The following HIP1R variants were observed in gnomAD, a reference collection of about 807,000 sequenced individuals.
HIP1R encodes the protein huntingtin interacting protein 1 related, also known as huntingtin-interacting protein 1-related protein.
A neutral mutation model predicts 144.2 loss-of-function variants in HIP1R; 135 were observed. The ratio of observed to expected loss-of-function variants is 0.94; its 90% CI spans 0.81 to 1.08. The LOEUF is 1.08. Among genes scored for constraint, HIP1R ranks in the 50% least tolerant of loss-of-function variants. The pLI, the probability that HIP1R is intolerant of heterozygous loss-of-function variation, is 0.00. For synonymous variants in HIP1R, 698 were observed against 612.8 expected (o/e 1.14, Z -2.05); for missense variants, 1,462 against 1,432.8 (o/e 1.02, Z -0.33).
intron 20 of HIP1R, 41 bp from the exon 21 acceptor site, chr12:122,858,797 G>A (rs1396828456): frequency 7.2e-7 from 1 of 1,385,202 alleles, no homozygotes. Context: ...TAGTGTCTCA[G>A]TGTCATCCTC....
chr12:122,835,940 C>G (rs2032880008), intron 1 of HIP1R, among the ~76,000 whole-genome samples: 1 of 150,296 alleles, frequency 6.7e-6, no homozygotes, highest in Non-Finnish European at 1.5e-5. Context: ...TCAGGGTGTG[C>G]GCGGGCCGGG....
At chr12:122,845,722 C>T (rs892222636) in intron 1 of HIP1R, among the ~76,000 whole-genome samples, 3 of 152,084 alleles carry the variant, frequency 2.0e-5, no homozygotes, top group African/African-American at 7.2e-5. Context: ...CCCTCAGAGA[C>T]CATCCATCCA....
rs1235021281 is a variant in HIP1R at position 122,840,668 on chromosome 12, G to A, written c.93+5025G>A. On this transcript the variant is annotated intron_variant, in intron 1 of 31. Transcript: ENST00000253083. This position sits in a 1 kb window ranked among gnomAD's most constrained non-coding sequence, Gnocchi z 4.2. ...AGCTCTGCCCGGTGCCCTTAGATTA[G>A]CTGTAAGCGGAGGCCTTGTGTGCTG... Among the ~76,000 whole-genome samples, 1 of 152,222 alleles carries A rather than the reference G, an allele frequency of 6.6e-6. No individual in the cohort carries two copies. The highest frequency in any genetic ancestry group is 1.5e-5 in the Non-Finnish European group (1 of 68,036).
chr12:122,857,391 T>C (rs2033621913), intron 18 of HIP1R, 176 bp downstream of exon 18: 2 of 662,790 alleles, frequency 3.0e-6, no homozygotes, highest in South Asian at 1.8e-5. Flanking sequence ...CACCACATCA[T>C]AGCCTGTGTC....
chr12:122,856,997 C>G, intron 17 of HIP1R, 24 bp from the exon 18 acceptor site: 2 of 1,546,468 alleles, frequency 1.3e-6, no homozygotes, highest in Non-Finnish European at 1.7e-6. Flanking sequence ...TGTTCACATG[C>G]CTGGTGTCCA....
At chr12:122,854,822 T>C in intron 8 of HIP1R, 83 bp from the exon 9 acceptor site, 4 of 1,413,976 alleles carry the variant, frequency 2.8e-6, no homozygotes, top group Non-Finnish European at 3.9e-6. Context: ...TGTGAGTTTG[T>C]AGCATACGGA....
At chr12:122,851,199 AC>A in intron 6 of HIP1R, 36 bp from the exon 7 acceptor site, 1 of 1,474,924 alleles carries the variant, frequency 6.8e-7, no homozygotes. Flanking sequence ...GGGTCCACCC[AC>A]CCTTTTTCAT....
At chr12:122,835,291 TG>T (rs1480199386), upstream of HIP1R, 1 of 140,556 alleles carries the variant, frequency 7.1e-6, no homozygotes. Context: ...TCGCGGGGGG[TG>T]GGGTTGGAGG....
chr12:122,856,649 G>A lies in HIP1R; in HGVS notation c.1543G>A (p.Glu515Lys), dbSNP rs1224818043. The change falls in exon 17 of 32, where the codon GAG becomes AAG. Residue 515 changes from glutamate (E) to lysine (K), a missense_variant. Glu to Lys is a moderately conservative substitution (Grantham distance 56, BLOSUM62 1). Coordinates refer to ENST00000253083, the MANE Select transcript of HIP1R (RefSeq NM_003959.3). ...LKLEEKSDQL[E>K]KLKRELEAKA... ...GCTAGAGGAGAAGAGCGACCAGCTG[G>A]AGAAGCTCAAGAGGGAGCTGGAGGC... is the stretch of plus-strand genomic sequence containing the variant. 2 of 1,604,980 alleles carry A rather than the reference G, an allele frequency of 1.2e-6. No individual in the cohort carries two copies. Among genetic ancestry groups the A allele is most frequent in the Non-Finnish European group, 1.7e-6 (2 of 1,175,960 alleles).
chr12:122,859,738 C>T (rs376638977), intron 23 of HIP1R, 34 bp from the exon 24 acceptor site: 33 of 1,607,294 alleles, frequency 2.1e-5, no homozygotes, highest in Non-Finnish European at 2.5e-5. Flanking sequence ...GTCCCCTCCT[C>T]CCAGCCAGCT....
intron 1 of HIP1R, among the ~76,000 whole-genome samples, chr12:122,841,512 C>A (rs1033430672): frequency 2.0e-5 from 3 of 152,228 alleles, no homozygotes; most frequent in African/African-American, 7.2e-5. Flanking sequence ...ATGCTGTCTT[C>A]TTGGTGAGGT....
chr12:122,860,824 C>T lies in HIP1R; in HGVS notation c.2766+40C>T, dbSNP rs774638193. 1.1e-5 allele frequency: 17 copies of T among 1,601,810 alleles called. 1 individual carries two copies. In the African/African-American group the frequency reaches 1.1e-4, roughly 10 times the overall value. ...CGACAGCAGCACACTGGGCTCTGGGCCCAGCTTGGCCTGGGCTGTGGCTGC... is the reference window on the plus strand; with the variant it reads ...CGACAGCAGCACACTGGGCTCTGGGTCCAGCTTGGCCTGGGCTGTGGCTGC... On this transcript the variant is annotated intron_variant, in intron 28 of 31. Coordinates refer to ENST00000253083, the MANE Select transcript of HIP1R (RefSeq NM_003959.3).
chr12:122,846,647 C>T (rs1252259119), intron 1 of HIP1R, among the ~76,000 whole-genome samples: 1 of 152,190 alleles, frequency 6.6e-6, no homozygotes, highest in East Asian at 1.9e-4. Context: ...CGCAGCTCCT[C>T]CCCGACTACA....
chr12:122,856,203 C>T (rs757806417), intron 14 of HIP1R, 40 bp downstream of exon 14: 1 of 1,612,496 alleles, frequency 6.2e-7, no homozygotes, highest in East Asian at 2.2e-5. Context: ...AGGGTGTGTC[C>T]CCAGCCCCTG....
At chr12:122,860,809 A>G (rs1452888931) in intron 28 of HIP1R, 25 bp downstream of exon 28, 65 of 1,608,556 alleles carry the variant, frequency 4.0e-5, no homozygotes, top group Non-Finnish European at 4.9e-5. Flanking sequence ...CGACAGCAGC[A>G]CACTGGGCTC....
intron 15 of HIP1R, 34 bp from the exon 16 acceptor site, chr12:122,856,398 C>G: frequency 6.2e-7 from 1 of 1,607,046 alleles, no homozygotes; most frequent in Non-Finnish European, 8.5e-7. Flanking sequence ...TCGGGGATGG[C>G]AGCAGAGCAT....
At chr12:122,853,926 A>G in intron 7 of HIP1R, 117 bp from the exon 8 acceptor site, 2 of 1,219,538 alleles carry the variant, frequency 1.6e-6, no homozygotes, top group Non-Finnish European at 2.3e-6. Context: ...TCTTGGAGGC[A>G]GGGGGCACAC....
Position 122,836,834 on chromosome 12 carries a change from G to C in HIP1R, c.93+1191G>C, listed in dbSNP as rs367678990. On this transcript the variant is annotated intron_variant, in intron 1 of 31. Transcript: ENST00000253083. This position sits in a 1 kb window ranked among gnomAD's most constrained non-coding sequence, Gnocchi z 4.1. ...TTTGAAATGAGAGAGAACGCAGGGA[G>C]ACCTTCTAACCTTTGTGCTTGGGAT... Among the ~76,000 whole-genome samples the C allele has an allele frequency of 3.3e-5, 5 of 152,190 alleles. No homozygotes were observed. The East Asian group carries it at 5.8e-4, about 18-fold the overall frequency.
At position 122,857,066 on chromosome 12, in the gene HIP1R, A is replaced by G; in HGVS notation, c.1666A>G (p.Lys556Glu). The change falls in exon 18 of 32, where the codon AAG becomes GAG. Residue 556 changes from lysine to glutamate, a missense_variant. By Grantham distance (56) the Lys-to-Glu change is moderately conservative (BLOSUM62 1). Coordinates refer to ENST00000253083, the MANE Select transcript of HIP1R (RefSeq NM_003959.3). ...ACGGCTGGACACGCTGAGTGCGGAG[A>G]AGGATGCTCTGAGTGGAGCTGTGCG... ...SSRLDTLSAE[K>E]DALSGAVRQR... 6.4e-7 allele frequency: 1 copy of G among 1,551,434 alleles called. No individual in the cohort carries two copies. Among genetic ancestry groups the G allele is most frequent in the Non-Finnish European group, 8.7e-7 (1 of 1,147,726 alleles).
Sources: allele counts gnomAD v4.1 joint callset (sites outside exome capture counted in the v4.1 genomes callset), GRCh38; gene constraint gnomAD v4.1.1; non-coding constraint Gnocchi (gnomAD v3.1); transcripts MANE v1.5; gene names NCBI Gene and HGNC (gene_info 2026-07-23, HGNC 2026-07-21).